CCDC146: variants seen among roughly 807,000 people sequenced by gnomAD.
The protein encoded by CCDC146 is coiled-coil domain containing 146, also known as coiled-coil domain-containing protein 146.
CCDC146 carries 92 observed loss-of-function variants against 119.3 expected under a neutral mutation model. That is an observed-to-expected ratio of 0.77 (90% CI 0.65 to 0.92). The LOEUF is 0.92. Among genes scored for constraint, CCDC146 ranks in the 40% least tolerant of loss-of-function variants. CCDC146 has a pLI of 0.00. For missense variants in CCDC146, 1,000 were observed against 1,103.0 expected, an observed-to-expected ratio of 0.91 and a Z score of 1.32; for synonymous variants, 372 against 371.8, an observed-to-expected ratio of 1.00 and a Z score of -0.01.
chr7:77,245,444 A>G lies in CCDC146; in HGVS notation c.449+3544A>G, dbSNP rs1792930298. Among the ~76,000 whole-genome samples, 4 of 152,204 alleles carry G rather than the reference A, an allele frequency of 2.6e-5. No individual in the cohort carries two copies. The South Asian group carries it at 8.3e-4, about 32-fold the overall frequency. ...TAATTCCTAAAATTTTACAGCAAAT[A>G]CGTTGCGTCTTTCATGCAAAATCTG... On this transcript the variant is annotated intron_variant, in intron 4 of 18. Coordinates refer to ENST00000285871, the MANE Select transcript of CCDC146 (RefSeq NM_020879.3).
At chr7:77,156,416 A>G (rs1791180049) in intron 1 of CCDC146, among the ~76,000 whole-genome samples, 1 of 151,424 alleles carries the variant, frequency 6.6e-6, no homozygotes, top group African/African-American at 2.4e-5. Context: ...TTTTCTTTTC[A>G]GGATTCTTTT....
At chr7:77,271,195 G>T (rs910109256) in intron 9 of CCDC146, among the ~76,000 whole-genome samples, 1 of 151,958 alleles carries the variant, frequency 6.6e-6, no homozygotes, top group Non-Finnish European at 1.5e-5. Flanking sequence ...GAGTCAGTGG[G>T]CTGGGGAAAG....
intron 1 of CCDC146, among the ~76,000 whole-genome samples, chr7:77,139,111 T>A (rs1284317261): frequency 6.6e-6 from 1 of 152,228 alleles, no homozygotes; most frequent in Non-Finnish European, 1.5e-5. Context: ...GCAACCCAGA[T>A]GTCCTTCAGT....
At chr7:77,276,474 T>C (rs1177666569) in intron 11 of CCDC146, among the ~76,000 whole-genome samples, 1 of 152,128 alleles carries the variant, frequency 6.6e-6, no homozygotes, top group African/African-American at 2.4e-5. Context: ...TACTTTAATA[T>C]TTAAGAAACT....
At chr7:77,139,130 GAATA>G (rs1370100424) in intron 1 of CCDC146, among the ~76,000 whole-genome samples, 5 of 152,138 alleles carry the variant, frequency 3.3e-5, no homozygotes, top group South Asian at 4.1e-4. Flanking sequence ...GTAAATGAAT[GAATA>G]AATAAACTTT....
intron 4 of CCDC146, among the ~76,000 whole-genome samples, chr7:77,245,733 G>T (rs1212658186): frequency 6.6e-6 from 1 of 152,084 alleles, no homozygotes; most frequent in East Asian, 1.9e-4. Context: ...AACAGATCTG[G>T]TAACAAAGGA....
chr7:77,243,185 C>T (rs1792881909), intron 4 of CCDC146, among the ~76,000 whole-genome samples: 1 of 152,068 alleles, frequency 6.6e-6, no homozygotes, highest in Non-Finnish European at 1.5e-5. Context: ...TTTAAAATTT[C>T]CAACTGTTCC....
rs1254100715 is a variant in CCDC146, at chr7:77,241,308, C to T, written c.240-383C>T. Among the ~76,000 whole-genome samples the T allele has an allele frequency of 3.2e-5, 3 of 94,922 alleles. 1 individual carries two copies. The highest frequency in any genetic ancestry group is 5.5e-5 in the African/African-American group (2 of 36,442). 62.3% of individuals were successfully genotyped at this position (94,922 alleles called of 152,430 possible). On this transcript the variant is annotated intron_variant, in intron 3 of 18. Transcript: ENST00000285871. ...TCCTGACCTTGTGATCCGCCTGCCT[C>T]GGCCTCCCAAAGTGCTGGGATTACA... is the stretch of plus-strand genomic sequence containing the variant.
rs530722557 is a variant in CCDC146, at chr7:77,185,084, C to CT, written c.156+17270dup. The stretch of plus-strand genomic sequence containing the variant: ...AAAAACAGTTTGTAGATAACAGAGG[C>CT]TTTTTTTTTTCCAGGGAAGATTGTT... On this transcript the variant is annotated intron_variant, in intron 2 of 18. Coordinates refer to ENST00000285871, the MANE Select transcript of CCDC146 (RefSeq NM_020879.3). Among the ~76,000 whole-genome samples the CT allele has an allele frequency of 1.2e-3, 181 of 148,444 alleles. 1 individual carries two copies. Among genetic ancestry groups the CT allele is most frequent in the South Asian group, 2.4e-3 (11 of 4,678 alleles).
At chr7:77,279,886 C>A in intron 13 of CCDC146, among the ~76,000 whole-genome samples, 1 of 152,192 alleles carries the variant, frequency 6.6e-6, no homozygotes, top group East Asian at 1.9e-4. Flanking sequence ...TTTCTGATGG[C>A]CATTATTGCC....
At chr7:77,216,300 C>T (rs571782602) in intron 2 of CCDC146, among the ~76,000 whole-genome samples, 5 of 152,180 alleles carry the variant, frequency 3.3e-5, no homozygotes, top group African/African-American at 7.2e-5. Flanking sequence ...GGATACTGTC[C>T]GCCCCCAGAT....
chr7:77,280,297 T>C (rs1793739752), intron 13 of CCDC146, 132 bp from the exon 14 acceptor site: 3 of 641,294 alleles, frequency 4.7e-6, no homozygotes, highest in African/African-American at 1.8e-5. Context: ...ATATCATTAT[T>C]ACTAGTATCA....
chr7:77,185,343 T>G (rs1465847190), intron 2 of CCDC146, among the ~76,000 whole-genome samples: 1 of 152,070 alleles, frequency 6.6e-6, no homozygotes, highest in Non-Finnish European at 1.5e-5. Context: ...AGCAAATAAT[T>G]TTGTGGACCG....
At chr7:77,160,090 G>A (rs996846226) in intron 1 of CCDC146, among the ~76,000 whole-genome samples, 15 of 152,180 alleles carry the variant, frequency 9.9e-5, no homozygotes, top group African/African-American at 2.6e-4. Flanking sequence ...GATATGCGAC[G>A]CTATTTCTGA....
chr7:77,227,398 T>G (rs1025785681), intron 2 of CCDC146, among the ~76,000 whole-genome samples: 1 of 152,176 alleles, frequency 6.6e-6, no homozygotes, highest in African/African-American at 2.4e-5. Context: ...CTCCACTTCC[T>G]GGGTTCATGC....
At chr7:77,283,912 CCTTGAGTT>C (rs1397294587) in intron 15 of CCDC146, among the ~76,000 whole-genome samples, 1 of 152,050 alleles carries the variant, frequency 6.6e-6, no homozygotes, top group Non-Finnish European at 1.5e-5. Flanking sequence ...TTTAATTTAG[CCTTGAGTT>C]CTTCCACTCA....
chr7:77,199,492 A>G, intron 2 of CCDC146: 1 of 1,614,094 alleles, frequency 6.2e-7, no homozygotes, highest in Non-Finnish European at 8.5e-7. Flanking sequence ...ATCAGCCTGC[A>G]GCTTGCAGTC....
intron 18 of CCDC146, 77 bp downstream of exon 18, chr7:77,293,277 C>A: frequency 6.6e-7 from 1 of 1,507,894 alleles, no homozygotes; most frequent in Non-Finnish European, 8.9e-7. Context: ...AGTTATCCCA[C>A]AGTATAAGAA....
chr7:77,178,364 C>T (rs948660829), intron 2 of CCDC146, among the ~76,000 whole-genome samples: 6 of 152,206 alleles, frequency 3.9e-5, no homozygotes, highest in Non-Finnish European at 7.3e-5. Context: ...TACCTCCTCA[C>T]ATACAATCTG....
Sources: gnomAD v4.1 joint callset for allele counts (sites outside exome capture counted in the v4.1 genomes callset) on GRCh38, gnomAD v4.1.1 for gene constraint, MANE v1.5 for transcripts, NCBI Gene and HGNC (gene_info 2026-07-23, HGNC 2026-07-21) for gene names.